The following TEC variants were observed in gnomAD, a reference collection of about 807,000 sequenced individuals.
The protein encoded by TEC is tyrosine-protein kinase Tec.
A neutral mutation model predicts 93.0 loss-of-function variants in TEC; 72 were observed. That is an observed-to-expected ratio of 0.77 (90% confidence interval 0.64 to 0.94). The LOEUF is 0.94. Among genes scored for constraint, TEC ranks in the 40% least tolerant of loss-of-function variants. The pLI is 0.00. For missense variants in TEC, 630 were observed against 757.9 expected (o/e 0.83, Z 1.98); for synonymous variants, 249 against 247.7 (o/e 1.01, Z -0.05).
chr4:48,192,987 G>A (rs1337115011), intron 2 of TEC, among the ~76,000 whole-genome samples: 1 of 152,052 alleles, frequency 6.6e-6, no homozygotes, highest in African/African-American at 2.4e-5. Context: ...CTGGCACCTG[G>A]CAACCTGGCA....
intron 2 of TEC, among the ~76,000 whole-genome samples, chr4:48,178,139 C>T (rs4392481): frequency 0.38 from 57,606 of 151,958 alleles, 11,939 homozygotes; most frequent in East Asian, 0.9. Flanking sequence ...TAACTGCCAT[C>T]TCTATGCCCA....
At chr4:48,159,278 A>T (rs2109529142) in intron 8 of TEC, among the ~76,000 whole-genome samples, 1 of 152,372 alleles carries the variant, frequency 6.6e-6, no homozygotes. Context: ...CAGCACCAGC[A>T]TCTGAAAAAA....
At chr4:48,232,565 G>A (rs1327828436) in intron 1 of TEC, among the ~76,000 whole-genome samples, 1 of 152,164 alleles carries the variant, frequency 6.6e-6, no homozygotes, top group Non-Finnish European at 1.5e-5. Flanking sequence ...ATTGGCCAAT[G>A]GGAAGTCCTG....
Position 48,138,980 on chromosome 4 carries a change from CTT to C in TEC, c.1576_1577del (p.Lys526ValfsTer9). ...DDQYTSSSGA[K>X]FPVKWCPPEV... ...CAGGTGGACACCACTTCACAGGAAA[CTT>C]AGCACCAGAAGAACTTGTGTACTGA... On this transcript the variant is annotated frameshift_variant, in exon 16 of 18. Transcript: ENST00000381501. LOFTEE classifies it high-confidence loss of function. 6.2e-7 allele frequency: 1 copy of C among 1,614,224 alleles called. No homozygotes were observed. Among genetic ancestry groups the C allele is most frequent in the Non-Finnish European group, 8.5e-7 (1 of 1,180,018 alleles).
chr4:48,229,953 T>C (rs1381886231), intron 1 of TEC, among the ~76,000 whole-genome samples: 2 of 151,642 alleles, frequency 1.3e-5, no homozygotes, highest in Non-Finnish European at 1.5e-5. Flanking sequence ...CAGGTGCCTG[T>C]AATCCCAGCT....
At chr4:48,190,784 A>G (rs1162780592) in intron 2 of TEC, among the ~76,000 whole-genome samples, 2 of 152,228 alleles carry the variant, frequency 1.3e-5, no homozygotes, top group Non-Finnish European at 2.9e-5. Context: ...AGGCTGGCAA[A>G]TGTAAATGAT....
intron 1 of TEC, among the ~76,000 whole-genome samples, chr4:48,246,646 G>A (rs1416015479): frequency 6.6e-6 from 1 of 152,168 alleles, no homozygotes; most frequent in Non-Finnish European, 1.5e-5. Context: ...TGACCAAGAT[G>A]TCAAGACCAT....
At chr4:48,256,818 G>T (rs1324931593) in intron 1 of TEC, among the ~76,000 whole-genome samples, 2 of 152,098 alleles carry the variant, frequency 1.3e-5, no homozygotes, top group East Asian at 3.9e-4. Flanking sequence ...ATGCTGAGAG[G>T]AGTCAGGAGT....
intron 9 of TEC, among the ~76,000 whole-genome samples, chr4:48,152,928 T>C (rs748806230): frequency 7.2e-5 from 11 of 152,150 alleles, no homozygotes; most frequent in Non-Finnish European, 1.5e-4. Context: ...AATAACTAAA[T>C]AGAATACTAA....
intron 2 of TEC, among the ~76,000 whole-genome samples, chr4:48,183,479 G>T (rs1721677688): frequency 6.6e-6 from 1 of 152,182 alleles, no homozygotes; most frequent in South Asian, 2.1e-4. Flanking sequence ...CATCGCAGAT[G>T]GGCATCATCC....
rs1289506269 is a variant in TEC at position 48,163,728 on chromosome 4, C to A, written c.711G>T (p.Lys237Asn). 8.6e-6 allele frequency: 13 copies of A among 1,505,370 alleles called. No homozygotes were observed. The highest frequency in any genetic ancestry group is 1.4e-5 in the African/African-American group (1 of 72,078). The allele number at this position is 1,505,370 out of a possible 1,614,324, so 93.3% of individuals were successfully genotyped here. A position where few individuals can be genotyped will look rare whatever the true frequency, so the allele number is the denominator to read the frequency against. The change falls in exon 8 of 18, where the codon AAG (lysine) becomes AAT (asparagine). Residue 237 changes from lysine to asparagine, a missense_variant. By Grantham distance (94) the Lys-to-Asn change is moderately conservative. This residue lies in a region of TEC where 335 missense variants were observed against 351.5 expected (regional missense o/e 0.95). Coordinates refer to ENST00000381501, the MANE Select transcript of TEC (RefSeq NM_003215.3). ...GYIPSNYVTG[K>N]KSNNLDQYEW... ...CATATTGATCTAAGTTGTTTGATTT[C>A]TTTCCCGTTACGTAATTACTTGGGA...
At chr4:48,252,118 T>C (rs1364006896) in intron 1 of TEC, among the ~76,000 whole-genome samples, 2 of 152,182 alleles carry the variant, frequency 1.3e-5, no homozygotes, top group Non-Finnish European at 2.9e-5. Flanking sequence ...TCCTTATTAG[T>C]TGTATAAACA....
intron 1 of TEC, among the ~76,000 whole-genome samples, chr4:48,250,889 T>C (rs1008103476): frequency 3.0e-4 from 45 of 152,272 alleles, no homozygotes; most frequent in African/African-American, 1.1e-3. Context: ...TAAATCCTAA[T>C]TGTTGTATGC....
At chr4:48,224,017 C>G (rs1723352690) in intron 2 of TEC, among the ~76,000 whole-genome samples, 2 of 152,206 alleles carry the variant, frequency 1.3e-5, no homozygotes, top group South Asian at 4.1e-4. Flanking sequence ...TGCCTGGCCC[C>G]ATGTGTCTTT....
chr4:48,228,500 T>C lies in TEC; in HGVS notation c.115A>G (p.Thr39Ala), dbSNP rs145490815. 118 of 1,611,154 alleles carry C rather than the reference T, an allele frequency of 7.3e-5. 1 individual carries two copies. The African/African-American group carries it at 1.4e-3, about 19-fold the overall frequency. Residue 39 changes from threonine to alanine, a missense_variant, in exon 2 of 18, where the codon ACC (threonine) becomes GCC (alanine). By Grantham distance (58) the Thr-to-Ala change is moderately conservative (BLOSUM62 0). Around this residue, in one of 3 missense-constraint regions of TEC, gnomAD observed 335 missense variants for 351.5 expected, o/e 0.95. Transcript: ENST00000381501. Reference sequence around the variant, plus strand: ...ACCTCTGCTCGACCCTCATAGTAGGTTAGCATGGACTTTGTAAGTACAAAA... The same window carrying C: ...ACCTCTGCTCGACCCTCATAGTAGGCTAGCATGGACTTTGTAAGTACAAAA... ...RLFVLTKSMLTYYEGRAEKKY... is the reference protein window; with the variant it reads ...RLFVLTKSMLAYYEGRAEKKY...
intron 8 of TEC, among the ~76,000 whole-genome samples, chr4:48,160,757 G>GAAAGAAAGA (rs1354060538): frequency 4.0e-5 from 5 of 124,164 alleles, no homozygotes; most frequent in African/African-American, 1.5e-4. Context: ...AAGAAAGAAA[G>GAAAGAAAGA]AAAGAAAAGA....
chr4:48,142,209 G>A (rs1254449443), intron 14 of TEC, among the ~76,000 whole-genome samples: 4 of 152,172 alleles, frequency 2.6e-5, no homozygotes, highest in African/African-American at 7.2e-5. Flanking sequence ...AGTGGCTCAC[G>A]CCTGCAATCC....
intron 1 of TEC, among the ~76,000 whole-genome samples, chr4:48,268,709 A>T (rs1406583138): frequency 6.6e-6 from 1 of 152,210 alleles, no homozygotes; most frequent in African/African-American, 2.4e-5. Flanking sequence ...GAAGTGAGTA[A>T]ATTCTCAGAA....
At chr4:48,177,872 G>C (rs143080698) in intron 2 of TEC, among the ~76,000 whole-genome samples, 1 of 151,928 alleles carries the variant, frequency 6.6e-6, no homozygotes, top group Non-Finnish European at 1.5e-5. Context: ...ATTTCTGCTC[G>C]CTCTCTCTCT....
Sources: allele counts gnomAD v4.1 joint callset (sites outside exome capture counted in the v4.1 genomes callset), GRCh38; gene constraint gnomAD v4.1.1; regional missense constraint gnomAD v4.1.1; transcripts MANE v1.5; gene names NCBI Gene and HGNC (gene_info 2026-07-23, HGNC 2026-07-21).